The following PPP2R3A variants were observed in gnomAD, a reference collection of about 807,000 sequenced individuals.
PPP2R3A encodes the protein serine/threonine-protein phosphatase 2A regulatory subunit B'' subunit alpha.
A neutral mutation model predicts 106.9 loss-of-function variants in PPP2R3A; 80 were observed. The ratio of observed to expected loss-of-function variants is 0.75; its 90% CI spans 0.62 to 0.90. The LOEUF (loss-of-function observed/expected upper bound fraction) is 0.90. Among genes scored for constraint, PPP2R3A ranks in the 40% least tolerant of loss-of-function variants. The pLI, the probability that PPP2R3A is intolerant of heterozygous loss-of-function variation, is 0.00. For missense variants in PPP2R3A, 1,386 were observed against 1,350.4 expected (o/e 1.03, Z -0.41); for synonymous variants, 483 against 468.3 (o/e 1.03, Z -0.41).
chr3:136,054,466 C>G (rs926876010), intron 5 of PPP2R3A, among the ~76,000 whole-genome samples: 2 of 152,006 alleles, frequency 1.3e-5, no homozygotes. Context: ...ATCATGTTGG[C>G]CAGGATGGTC....
In PPP2R3A at chr3:136,100,473, G is replaced by A. The variant is rs1009690852; in HGVS notation, c.2928-1534G>A. On this transcript the variant is annotated intron_variant, in intron 10 of 13. Transcript: ENST00000264977. ...GCAGATCACCTGAGGTCAGAAATTC[G>A]AGACCAGCCTGGTCAATATGGTGAA... Among the ~76,000 whole-genome samples, 17 of 151,152 alleles carry A rather than the reference G, an allele frequency of 1.1e-4. No homozygotes were observed. In the South Asian group the frequency reaches 3.6e-3, roughly 32 times the overall value.
At chr3:136,000,270 G>C (rs961422562) in intron 1 of PPP2R3A, among the ~76,000 whole-genome samples, 7 of 152,070 alleles carry the variant, frequency 4.6e-5, no homozygotes, top group Admixed American at 4.6e-4. Flanking sequence ...TTTATTTCCT[G>C]CTCTATCCCT....
chr3:136,014,185 T>C lies in PPP2R3A; in HGVS notation c.1995+10692T>C, dbSNP rs1266081088. Among the ~76,000 whole-genome samples, 29 of 152,230 alleles carry C rather than the reference T, an allele frequency of 1.9e-4. 1 individual carries two copies. Among genetic ancestry groups the C allele is most frequent in the Admixed American group, 1.9e-3 (29 of 15,276 alleles). Reference sequence around the variant, plus strand: ...CTTTATTTCTGGGTTCTCCATTCTGTTCCATTGGTCTATGTGCCTATTTTG... The same window carrying C: ...CTTTATTTCTGGGTTCTCCATTCTGCTCCATTGGTCTATGTGCCTATTTTG... On this transcript the variant is annotated intron_variant, in intron 2 of 13. Coordinates refer to ENST00000264977, the MANE Select transcript of PPP2R3A (RefSeq NM_002718.5).
Position 136,145,031 on chromosome 3 carries a change from TTGTTA to T in PPP2R3A, c.3330-10_3330-6del, listed in dbSNP as rs780332024. 7 of 1,583,978 alleles carry T rather than the reference TTGTTA, an allele frequency of 4.4e-6. No individual in the cohort carries two copies. The highest frequency in any genetic ancestry group is 3.5e-5 in the Admixed American group (2 of 57,272). ...ATCAATCAGTTAATTCACTTTTGCTTTGTTATTTCAGCTTTGAAGATTATGAAACA... is the reference window on the plus strand; with the variant it reads ...ATCAATCAGTTAATTCACTTTTGCTTTTTCAGCTTTGAAGATTATGAAACA... On this transcript the variant is annotated splice_region_variant and splice_polypyrimidine_tract_variant and intron_variant, in intron 13 of 13. Coordinates refer to ENST00000264977, the MANE Select transcript of PPP2R3A (RefSeq NM_002718.5).
intron 1 of PPP2R3A, among the ~76,000 whole-genome samples, chr3:135,991,336 G>A (rs1335737411): frequency 6.6e-6 from 1 of 151,996 alleles, no homozygotes; most frequent in East Asian, 1.9e-4. Flanking sequence ...ATTTTTATAT[G>A]TTCTCCTCCA....
intron 1 of PPP2R3A, among the ~76,000 whole-genome samples, chr3:135,995,298 A>C (rs1009457896): frequency 7.9e-5 from 12 of 152,254 alleles, no homozygotes; most frequent in African/African-American, 2.9e-4. Flanking sequence ...TTAGACTGAA[A>C]ATTTTTCTCA....
chr3:136,144,653 T>C (rs1939030101), intron 13 of PPP2R3A, among the ~76,000 whole-genome samples: 2 of 148,386 alleles, frequency 1.3e-5, no homozygotes, highest in Admixed American at 1.3e-4. Flanking sequence ...AGAGCAAGGC[T>C]CCGTCTCAAA....
intron 2 of PPP2R3A, among the ~76,000 whole-genome samples, chr3:136,010,861 A>G (rs2107801098): frequency 6.6e-6 from 1 of 152,220 alleles, no homozygotes; most frequent in Non-Finnish European, 1.5e-5. Context: ...CCTCTGCTCA[A>G]TCACTCCTTC....
intron 5 of PPP2R3A, among the ~76,000 whole-genome samples, chr3:136,062,196 T>G (rs1208296748): frequency 6.6e-6 from 1 of 152,146 alleles, no homozygotes; most frequent in Non-Finnish European, 1.5e-5. Flanking sequence ...CCTCTTTGCT[T>G]CTTAAATGGT....
Position 136,023,059 on chromosome 3 carries a change from A to G in PPP2R3A, c.1996-3773A>G. 3.7e-6 allele frequency: 6 copies of G among 1,612,720 alleles called. 1 individual carries two copies. The South Asian group carries it at 5.5e-5, about 15-fold the overall frequency. On this transcript the variant is annotated intron_variant, in intron 2 of 13. Transcript: ENST00000264977. ...CTGGACAGTTGCGAAGTAAACATTT[A>G]CTTTTCAAAGATGATGATCAAGGAA... is the stretch of plus-strand genomic sequence containing the variant.
At chr3:135,978,090 CTT>C (rs1314099781) in intron 1 of PPP2R3A, among the ~76,000 whole-genome samples, 3 of 152,076 alleles carry the variant, frequency 2.0e-5, no homozygotes, top group Non-Finnish European at 4.4e-5. Context: ...TTTCTGTACT[CTT>C]TGCAACTTTT....
chr3:136,083,298 G>T (rs571389792), intron 8 of PPP2R3A, among the ~76,000 whole-genome samples: 1 of 152,304 alleles, frequency 6.6e-6, no homozygotes, highest in East Asian at 1.9e-4. Flanking sequence ...CTGGTGGCAG[G>T]TAATTGAATC....
intron 5 of PPP2R3A, among the ~76,000 whole-genome samples, chr3:136,064,423 A>T (rs893311961): frequency 1.3e-5 from 2 of 152,076 alleles, no homozygotes; most frequent in Non-Finnish European, 2.9e-5. Context: ...ATAAAAAAAA[A>T]ATAAGACTCT....
At chr3:136,020,393 G>A (rs1465811748) in intron 2 of PPP2R3A, among the ~76,000 whole-genome samples, 3 of 151,984 alleles carry the variant, frequency 2.0e-5, no homozygotes, top group African/African-American at 4.8e-5. Context: ...ATATTTCTTT[G>A]ATAAATCACA....
chr3:136,017,942 C>T (rs1934335428), intron 2 of PPP2R3A, among the ~76,000 whole-genome samples: 1 of 152,300 alleles, frequency 6.6e-6, no homozygotes, highest in South Asian at 2.1e-4. Context: ...TCAGCTGAGA[C>T]TGTTGAATGG....
intron 13 of PPP2R3A, among the ~76,000 whole-genome samples, chr3:136,144,534 G>T (rs554358878): frequency 6.6e-6 from 1 of 152,212 alleles, no homozygotes; most frequent in African/African-American, 2.4e-5. Context: ...GGTGGCGCAT[G>T]CATGTAGTCC....
At chr3:135,973,219 T>C (rs1003031674) in intron 1 of PPP2R3A, among the ~76,000 whole-genome samples, 1 of 152,216 alleles carries the variant, frequency 6.6e-6, no homozygotes, top group Non-Finnish European at 1.5e-5. Context: ...GAGACTCTTA[T>C]TTGTAAAATG....
chr3:136,061,049 A>G (rs1442406788), intron 5 of PPP2R3A, among the ~76,000 whole-genome samples: 1 of 152,230 alleles, frequency 6.6e-6, no homozygotes, highest in East Asian at 1.9e-4. Context: ...AAAAACAAGA[A>G]TAAACTGTAT....
At chr3:136,043,495 T>C (rs1036113868) in intron 4 of PPP2R3A, among the ~76,000 whole-genome samples, 3 of 152,160 alleles carry the variant, frequency 2.0e-5, no homozygotes, top group African/African-American at 7.2e-5. Context: ...ATTTCTCTCA[T>C]GTCAGACTGC....
Sources: allele counts gnomAD v4.1 joint callset (sites outside exome capture counted in the v4.1 genomes callset), GRCh38; gene constraint gnomAD v4.1.1; transcripts MANE v1.5; gene names NCBI Gene and HGNC (gene_info 2026-07-23, HGNC 2026-07-21).